CD38: variants seen among roughly 807,000 people sequenced by gnomAD.
CD38 encodes the protein CD38 molecule.
CD38 carries 31 observed loss-of-function variants against 36.3 expected under a neutral mutation model. The observed-to-expected ratio is 0.85, with a 90% CI of 0.64 to 1.15. The LOEUF (loss-of-function observed/expected upper bound fraction) is 1.15, where lower values mean the gene tolerates loss of function less well. CD38 is among the 50% of genes most tolerant of loss of function. The pLI, the probability that CD38 is intolerant of heterozygous loss-of-function variation, is 0.00. For synonymous variants in CD38, 131 were observed against 135.2 expected, an observed-to-expected ratio of 0.97 and a Z score of 0.22; for missense variants, 380 against 371.9, an observed-to-expected ratio of 1.02 and a Z score of -0.18.
chr4:15,791,695 T>C (rs1278066908), intron 1 of CD38, among the ~76,000 whole-genome samples: 1,121 of 44,058 alleles, frequency 0.025, no homozygotes, highest in African/African-American at 0.047. Flanking sequence ...GCCCCCCGCC[T>C]GGCCAGCCGC....
intron 1 of CD38, among the ~76,000 whole-genome samples, chr4:15,811,621 G>A (rs1171512513): frequency 6.6e-6 from 1 of 151,406 alleles, no homozygotes; most frequent in Admixed American, 6.6e-5. Context: ...TTATTCCATT[G>A]ATCTATATTT....
At chr4:15,838,557 T>C (rs1724125808) in intron 5 of CD38, among the ~76,000 whole-genome samples, 2 of 152,110 alleles carry the variant, frequency 1.3e-5, no homozygotes, top group South Asian at 4.1e-4. Flanking sequence ...ATCTTCACCA[T>C]CCATGAAGAC....
intron 3 of CD38, among the ~76,000 whole-genome samples, chr4:15,832,512 G>A (rs1255509256): frequency 6.6e-6 from 1 of 152,130 alleles, no homozygotes; most frequent in East Asian, 1.9e-4. Context: ...ACTCATGGAG[G>A]TACCACCTTG....
intron 2 of CD38, among the ~76,000 whole-genome samples, chr4:15,821,937 T>G (rs1723745486): frequency 6.6e-6 from 1 of 151,694 alleles, no homozygotes. Context: ...GATACAAAAA[T>G]TCTCAACAAA....
intron 1 of CD38, among the ~76,000 whole-genome samples, chr4:15,810,895 C>T (rs1440604757): frequency 6.6e-6 from 1 of 152,172 alleles, no homozygotes; most frequent in Non-Finnish European, 1.5e-5. Context: ...TAAATGGTCA[C>T]ATTTTAAGGT....
intron 1 of CD38, among the ~76,000 whole-genome samples, chr4:15,789,159 T>C (rs982326017): frequency 1.3e-5 from 2 of 152,208 alleles, no homozygotes. Flanking sequence ...TTAGGTATTT[T>C]TGTAAGATAT....
chr4:15,840,187 A>G (rs11574929), intron 6 of CD38, 69 bp downstream of exon 6: 26,390 of 1,105,020 alleles, frequency 0.024, 381 homozygotes, highest in Middle Eastern at 0.044. Flanking sequence ...CACAGTCACA[A>G]GCACGCACTG....
chr4:15,841,009 G>A (rs982206424), intron 7 of CD38, among the ~76,000 whole-genome samples: 15 of 151,738 alleles, frequency 9.9e-5, no homozygotes, highest in East Asian at 1.9e-4. Context: ...GGCGTCACAC[G>A]GCAGTCTACC....
At chr4:15,779,655 C>T (rs1722648159) in intron 1 of CD38, among the ~76,000 whole-genome samples, 1 of 152,150 alleles carries the variant, frequency 6.6e-6, no homozygotes, top group Admixed American at 6.5e-5. Context: ...CCTGGGCTTC[C>T]CAGCGTCCCG....
intron 7 of CD38, among the ~76,000 whole-genome samples, 191 bp downstream of exon 7, chr4:15,840,729 G>A (rs905459094): frequency 6.6e-5 from 10 of 152,140 alleles, no homozygotes; most frequent in African/African-American, 2.4e-4. Context: ...CCAAGCTAGT[G>A]GCCTTCACTT....
chr4:15,852,872 C>T lies in CD38; in HGVS notation c.*4270C>T, dbSNP rs1486853092. 6.7e-6 allele frequency: 1 copy of T among 149,098 alleles called. No individual in the cohort carries two copies. Among genetic ancestry groups the T allele is most frequent in the East Asian group, 2.0e-4 (1 of 5,070 alleles). 9.2% of individuals were successfully genotyped at this position (149,098 alleles called of 1,614,324 possible). A position where few individuals can be genotyped will look rare whatever the true frequency, so the allele number is the denominator to read the frequency against. ...TCGCCCAGGCTAGAGTGCAGTGGCG[C>T]GATCTCGGCTCACTGCAGGCTCCAC... On this transcript the variant is annotated 3_prime_UTR_variant, in exon 8 of 8. Coordinates refer to ENST00000226279, the MANE Select transcript of CD38 (RefSeq NM_001775.4).
chr4:15,837,984 TG>T, intron 4 of CD38, 107 bp from the exon 5 acceptor site: 1 of 840,638 alleles, frequency 1.2e-6, no homozygotes, highest in Non-Finnish European at 1.9e-6. Context: ...TAAAACCATA[TG>T]GGATATCCTT....
intron 1 of CD38, among the ~76,000 whole-genome samples, chr4:15,786,834 G>T (rs111280180): frequency 6.6e-6 from 1 of 152,184 alleles, no homozygotes; most frequent in South Asian, 2.1e-4. Flanking sequence ...AGGGAGGGTG[G>T]GGGGAGGCTC....
Position 15,852,803 on chromosome 4 carries a change from T to C in CD38, c.*4201T>C, listed in dbSNP as rs1056895035. 3 of 126,750 alleles carry C rather than the reference T, an allele frequency of 2.4e-5. No homozygotes were observed. Among genetic ancestry groups the C allele is most frequent in the Non-Finnish European group, 3.3e-5 (2 of 61,522 alleles). 7.9% of individuals were successfully genotyped at this position (126,750 alleles called of 1,614,324 possible). A position where few individuals can be genotyped will look rare whatever the true frequency, so the allele number is the denominator to read the frequency against. Reference sequence around the variant, plus strand: ...CTTTGAACTATTCCCTAACGGGGCATTTATTCTTTTTTTTTTTTTTTTTTG... The same window carrying C: ...CTTTGAACTATTCCCTAACGGGGCACTTATTCTTTTTTTTTTTTTTTTTTG... On this transcript the variant is annotated 3_prime_UTR_variant, in exon 8 of 8. Transcript: ENST00000226279.
intron 1 of CD38, among the ~76,000 whole-genome samples, chr4:15,805,166 C>T (rs1723314425): frequency 6.6e-6 from 1 of 152,040 alleles, no homozygotes; most frequent in Admixed American, 6.6e-5. Flanking sequence ...TATTTTCTTT[C>T]ATTTTATGAC....
intron 2 of CD38, among the ~76,000 whole-genome samples, chr4:15,817,498 ATTTGTCAAATAAGTGAC>A (rs1723626518): frequency 6.6e-6 from 1 of 152,228 alleles, no homozygotes; most frequent in South Asian, 2.1e-4. Flanking sequence ...CCAGGCTGAC[ATTTGTCAAATAAGTGAC>A]TATGCGATGG....
chr4:15,783,686 G>C (rs534302206), intron 1 of CD38, among the ~76,000 whole-genome samples: 1 of 152,182 alleles, frequency 6.6e-6, no homozygotes, highest in Non-Finnish European at 1.5e-5. Context: ...TCTTTCATCT[G>C]TCTTACCTTA....
chr4:15,812,174 G>C (rs1442221901), intron 1 of CD38, among the ~76,000 whole-genome samples: 1 of 152,178 alleles, frequency 6.6e-6, no homozygotes, highest in African/African-American at 2.4e-5. Flanking sequence ...CATTATGCCA[G>C]TACCAATTAT....
intron 2 of CD38, among the ~76,000 whole-genome samples, chr4:15,821,921 A>C (rs1236251204): frequency 6.6e-6 from 1 of 152,142 alleles, no homozygotes; most frequent in Non-Finnish European, 1.5e-5. Context: ...TATCCTGAAG[A>C]ACATCGATAC....
Sources: gnomAD v4.1 joint callset for allele counts (sites outside exome capture counted in the v4.1 genomes callset) on GRCh38, gnomAD v4.1.1 for gene constraint, MANE v1.5 for transcripts, NCBI Gene and HGNC (gene_info 2026-07-23, HGNC 2026-07-21) for gene names.